NBAS: variants seen among roughly 807,000 people sequenced by gnomAD.
The protein encoded by NBAS is NBAS subunit of NRZ tethering complex.
Under a neutral mutation model 302.5 loss-of-function variants are expected in NBAS, and 219 were observed. The observed-to-expected ratio is 0.72, with a 90% CI of 0.65 to 0.81. The LOEUF (loss-of-function observed/expected upper bound fraction) is 0.81. Among genes scored for constraint, NBAS ranks in the 30% least tolerant of loss-of-function variants. The pLI is 0.00. For synonymous variants in NBAS, 1,118 were observed against 1,021.6 expected (o/e 1.09, Z -1.80); for missense variants, 2,932 against 2,841.6 (o/e 1.03, Z -0.72).
the NBAS span, among the ~76,000 whole-genome samples, chr2:15,112,703 T>C: frequency 1.4e-4 from 21 of 151,650 alleles, no homozygotes; most frequent in Non-Finnish European, 4.4e-5. Context: ...AAATACTGAA[T>C]TCCAAAAGTA....
At chr2:14,935,434 G>T in the NBAS span, among the ~76,000 whole-genome samples, 1 of 151,846 alleles carries the variant, frequency 6.6e-6, no homozygotes, top group Non-Finnish European at 1.5e-5. Flanking sequence ...ATTTTTTAAG[G>T]GTCTTATGCC....
intron 21 of NBAS, among the ~76,000 whole-genome samples, chr2:15,451,062 T>C (rs772432147): frequency 6.6e-6 from 1 of 152,128 alleles, no homozygotes; most frequent in South Asian, 2.1e-4. Flanking sequence ...ATTTATTTAT[T>C]TATTTATTTG....
chr2:15,038,381 G>A, the NBAS span, among the ~76,000 whole-genome samples: 124,478 of 152,148 alleles, frequency 0.82, 51,284 homozygotes, highest in East Asian at 1. Context: ...AAAGTGCTGG[G>A]ATTACAAGCA....
At chr2:15,505,607 G>A (rs1035428455) in intron 10 of NBAS, among the ~76,000 whole-genome samples, 2 of 152,166 alleles carry the variant, frequency 1.3e-5, no homozygotes, top group Non-Finnish European at 2.9e-5. Flanking sequence ...TTTGAACTTT[G>A]CTATACTGAC....
chr2:15,024,517 T>C, the NBAS span, among the ~76,000 whole-genome samples: 6 of 152,280 alleles, frequency 3.9e-5, no homozygotes, highest in African/African-American at 1.4e-4. Flanking sequence ...GGTAGTTCTG[T>C]TTTTAGTTCT....
chr2:15,013,059 A>C, the NBAS span, among the ~76,000 whole-genome samples: 1 of 152,168 alleles, frequency 6.6e-6, no homozygotes, highest in African/African-American at 2.4e-5. Flanking sequence ...GGGTTTCACC[A>C]TGTTGGCCAG....
chr2:14,866,344 TA>T, the NBAS span, among the ~76,000 whole-genome samples: 1 of 152,204 alleles, frequency 6.6e-6, no homozygotes, highest in Non-Finnish European at 1.5e-5. Flanking sequence ...ATACTAGTAA[TA>T]TTTTTTTCTC....
chr2:15,184,710 T>C lies in NBAS; in HGVS notation c.6711+2032A>G, dbSNP rs150434123. 1.9e-3 allele frequency among the ~76,000 whole-genome samples: 295 copies of C among 152,316 alleles called. 2 individuals carry two copies. The highest frequency in any genetic ancestry group is 6.3e-3 in the African/African-American group (261 of 41,572). On this transcript the variant is annotated intron_variant, in intron 50 of 51. Transcript: ENST00000281513. ...TGGTACCTGACAGGCCATGGACTGA[T>C]AGCAGTCCTCGGCCTGGGGTTTGGG...
At position 15,346,224 on chromosome 2, in the gene NBAS, A is replaced by G. The variant is rs1056450958; in HGVS notation, c.4179+5768T>C. On this transcript the variant is annotated intron_variant, in intron 35 of 51. Transcript: ENST00000281513. ...TAGCATTAGAGTGAACAGGCAACCT[A>G]CAGAATGGGAGAAAATTTTTGTAAT... Among the ~76,000 whole-genome samples the G allele has an allele frequency of 1.3e-4, 20 of 152,338 alleles. No individual in the cohort carries two copies. The East Asian group carries it at 2.1e-3, about 16-fold the overall frequency.
the NBAS span, among the ~76,000 whole-genome samples, chr2:14,797,557 T>A: frequency 6.6e-6 from 1 of 152,098 alleles, no homozygotes; most frequent in Non-Finnish European, 1.5e-5. Flanking sequence ...CTCTGAGTGT[T>A]TAGGTGCCAC....
At chr2:15,158,770 T>C in the NBAS span, among the ~76,000 whole-genome samples, 1 of 152,122 alleles carries the variant, frequency 6.6e-6, no homozygotes, top group Non-Finnish European at 1.5e-5. Flanking sequence ...CAGGTGGCCA[T>C]GTGCCCTGCC....
At chr2:15,364,915 G>T (rs1251327398) in intron 32 of NBAS, among the ~76,000 whole-genome samples, 4 of 152,066 alleles carry the variant, frequency 2.6e-5, no homozygotes, top group African/African-American at 7.2e-5. Context: ...ACCAGGTTTT[G>T]GATGGTTCGT....
chr2:15,176,076 C>T (rs1379622162), intron 51 of NBAS, among the ~76,000 whole-genome samples: 4 of 152,200 alleles, frequency 2.6e-5, no homozygotes, highest in Middle Eastern at 3.4e-3. Flanking sequence ...CTAATGGACA[C>T]GGTGAATAGC....
At chr2:15,188,914 G>T (rs1378074625) in intron 49 of NBAS, among the ~76,000 whole-genome samples, 2 of 152,172 alleles carry the variant, frequency 1.3e-5, no homozygotes, top group African/African-American at 4.8e-5. Flanking sequence ...GGCATTAGTG[G>T]CAATCTGATC....
intron 40 of NBAS, among the ~76,000 whole-genome samples, chr2:15,293,107 T>TG: frequency 6.6e-6 from 1 of 152,232 alleles, no homozygotes; most frequent in Non-Finnish European, 1.5e-5. Flanking sequence ...GCCAACCATC[T>TG]GATCACTCAC....
At chr2:15,531,307 A>G (rs1663203371) in intron 9 of NBAS, among the ~76,000 whole-genome samples, 1 of 152,196 alleles carries the variant, frequency 6.6e-6, no homozygotes. Flanking sequence ...ATTCCAAGAC[A>G]ATAGCTATAT....
chr2:15,155,102 C>A, the NBAS span, among the ~76,000 whole-genome samples: 3 of 152,176 alleles, frequency 2.0e-5, no homozygotes, highest in Admixed American at 1.3e-4. Context: ...TGAAAGACAG[C>A]AACATTTGGC....
chr2:15,388,837 C>G (rs1162545605), intron 28 of NBAS, among the ~76,000 whole-genome samples: 1 of 152,018 alleles, frequency 6.6e-6, no homozygotes, highest in African/African-American at 2.4e-5. Context: ...ACCAACAATA[C>G]AGAGGAATCT....
At chr2:15,253,262 G>A (rs1349238367) in intron 44 of NBAS, among the ~76,000 whole-genome samples, 2 of 152,118 alleles carry the variant, frequency 1.3e-5, no homozygotes, top group Non-Finnish European at 2.9e-5. Context: ...TGGGAAAGGA[G>A]GGGGAATCAA....
Sources: gnomAD v4.1 joint callset for allele counts (sites outside exome capture counted in the v4.1 genomes callset) on GRCh38, gnomAD v4.1.1 for gene constraint, MANE v1.5 for transcripts, NCBI Gene and HGNC (gene_info 2026-07-23, HGNC 2026-07-21) for gene names.